ASIC2: variants seen among roughly 807,000 people sequenced by gnomAD.
ASIC2 encodes the protein acid-sensing ion channel 2.
Under a neutral mutation model 57.3 loss-of-function variants are expected in ASIC2, and 25 were observed. That is an observed-to-expected ratio of 0.44 (90% CI 0.32 to 0.61). The LOEUF is 0.61. Among genes scored for constraint, ASIC2 ranks in the 20% least tolerant of loss-of-function variants. ASIC2 has a pLI of 0.06. For synonymous variants in ASIC2, 319 were observed against 307.5 expected (o/e 1.04, Z -0.39); for missense variants, 641 against 738.1 (o/e 0.87, Z 1.52).
chr17:34,021,211 A>C (rs1175451857), intron 1 of ASIC2, among the ~76,000 whole-genome samples: 1 of 151,990 alleles, frequency 6.6e-6, no homozygotes, highest in Non-Finnish European at 1.5e-5. Flanking sequence ...ATGTAACCAA[A>C]CACCACCTGC....
chr17:34,089,336 A>T (rs904337683), intron 1 of ASIC2, among the ~76,000 whole-genome samples: 1 of 151,350 alleles, frequency 6.6e-6, no homozygotes. Context: ...CCAAATGGTG[A>T]TCAAAAATGC....
chr17:33,724,115 A>G (rs1427441244), intron 1 of ASIC2, among the ~76,000 whole-genome samples: 1 of 152,064 alleles, frequency 6.6e-6, no homozygotes, highest in African/African-American at 2.4e-5. Flanking sequence ...ACGAGATCTG[A>G]TGGTTTTATA....
At chr17:33,747,466 GC>G (rs1344178868) in intron 1 of ASIC2, among the ~76,000 whole-genome samples, 1 of 152,094 alleles carries the variant, frequency 6.6e-6, no homozygotes, top group Non-Finnish European at 1.5e-5. Context: ...CAAGTGATCT[GC>G]CTGCCTCGGC....
At chr17:34,041,435 C>T (rs1908128145) in intron 1 of ASIC2, 1 of 152,138 alleles carries the variant, frequency 6.6e-6, no homozygotes, top group African/African-American at 2.4e-5. Context: ...GCAATATGAT[C>T]AAAGGGAGAC....
chr17:33,711,705 A>G (rs1909042196), intron 1 of ASIC2, among the ~76,000 whole-genome samples: 2 of 152,144 alleles, frequency 1.3e-5, no homozygotes, highest in African/African-American at 4.8e-5. Context: ...GGGAAATGCC[A>G]CTTTTAAACC....
intron 2 of ASIC2, among the ~76,000 whole-genome samples, chr17:33,095,834 C>T (rs1189616716): frequency 6.6e-6 from 1 of 152,250 alleles, no homozygotes; most frequent in Non-Finnish European, 1.5e-5. Flanking sequence ...AATCATGTGG[C>T]TTAATCCCTG....
intron 1 of ASIC2, among the ~76,000 whole-genome samples, chr17:33,962,503 T>G (rs1394736869): frequency 6.6e-6 from 1 of 152,170 alleles, no homozygotes; most frequent in Non-Finnish European, 1.5e-5. Flanking sequence ...CTGAAGCTAT[T>G]CTAATGCCTT....
At chr17:33,146,003 AAT>A (rs1904547834) in intron 1 of ASIC2, among the ~76,000 whole-genome samples, 2 of 152,222 alleles carry the variant, frequency 1.3e-5, no homozygotes, top group Non-Finnish European at 2.9e-5. Context: ...GTTCAGAATG[AAT>A]AGTGTCTTCA....
intron 1 of ASIC2, among the ~76,000 whole-genome samples, chr17:33,284,769 A>G (rs1905080970): frequency 6.6e-6 from 1 of 152,168 alleles, no homozygotes; most frequent in South Asian, 2.1e-4. Context: ...ATCTGTAAGC[A>G]GGGTTCCATG....
At chr17:33,810,666 A>G (rs189792710) in intron 1 of ASIC2, among the ~76,000 whole-genome samples, 143 of 152,292 alleles carry the variant, frequency 9.4e-4, no homozygotes, top group African/African-American at 3.3e-3. Context: ...TGGTTTGTCT[A>G]AGTTCAAATT....
intron 1 of ASIC2, among the ~76,000 whole-genome samples, chr17:33,808,902 C>A (rs1912341207): frequency 6.6e-6 from 1 of 152,188 alleles, no homozygotes; most frequent in Non-Finnish European, 1.5e-5. Context: ...ATCTGGAAAT[C>A]CAGGACTGCT....
intron 1 of ASIC2, among the ~76,000 whole-genome samples, chr17:33,600,304 G>A (rs1409450508): frequency 6.6e-6 from 1 of 152,234 alleles, no homozygotes; most frequent in South Asian, 2.1e-4. Context: ...CCTTCTGCAT[G>A]TTATGACATA....
chr17:33,290,272 C>T (rs1287277015), intron 1 of ASIC2, among the ~76,000 whole-genome samples: 1 of 152,160 alleles, frequency 6.6e-6, no homozygotes, highest in East Asian at 1.9e-4. Context: ...ATCTCTTTAC[C>T]ATCCCAAAAA....
intron 1 of ASIC2, among the ~76,000 whole-genome samples, chr17:33,381,073 TG>T (rs1255113142): frequency 6.6e-6 from 1 of 152,206 alleles, no homozygotes; most frequent in Non-Finnish European, 1.5e-5. Context: ...AGGAGAACTG[TG>T]GCTTTTCCCA....
rs376872942 is a variant in ASIC2 at position 33,950,102 on chromosome 17, A to G, written c.555+205876T>C. ...GCAGAGGGCTCTAAGAGGTTGAACC[A>G]TAGTCAGAAGCAGCTACCTCAGAGG... On this transcript the variant is annotated intron_variant, in intron 1 of 9. Transcript: ENST00000359872. Among the ~76,000 whole-genome samples, 116 of 152,358 alleles carry G rather than the reference A, an allele frequency of 7.6e-4. 3 individuals carry two copies. The South Asian group carries it at 0.023, about 30-fold the overall frequency.
At chr17:33,986,361 C>T (rs1015654178) in intron 1 of ASIC2, among the ~76,000 whole-genome samples, 1 of 151,906 alleles carries the variant, frequency 6.6e-6, no homozygotes, top group Non-Finnish European at 1.5e-5. Flanking sequence ...AAAGGCTTTT[C>T]ACTGCAGAAC....
At chr17:33,477,989 C>T (rs1440846013) in intron 1 of ASIC2, among the ~76,000 whole-genome samples, 1 of 152,186 alleles carries the variant, frequency 6.6e-6, no homozygotes, top group Non-Finnish European at 1.5e-5. Flanking sequence ...AGAGGCCAAA[C>T]TGCAGGTAAC....
chr17:33,652,257 A>G (rs1473328702), intron 1 of ASIC2, among the ~76,000 whole-genome samples: 1 of 152,174 alleles, frequency 6.6e-6, no homozygotes, highest in Non-Finnish European at 1.5e-5. Flanking sequence ...AAAACAGGAG[A>G]GACAGGAGGT....
intron 1 of ASIC2, among the ~76,000 whole-genome samples, chr17:34,088,937 G>C (rs1308197635): frequency 6.6e-6 from 1 of 152,208 alleles, no homozygotes; most frequent in Non-Finnish European, 1.5e-5. Context: ...GGTGCCGTCT[G>C]TCACCCCTTT....
Sources: allele counts gnomAD v4.1 joint callset (sites outside exome capture counted in the v4.1 genomes callset), GRCh38; gene constraint gnomAD v4.1.1; transcripts MANE v1.5; gene names NCBI Gene and HGNC (gene_info 2026-07-23, HGNC 2026-07-21).